Variants in CLSTN2 observed in about 807,000 individuals in gnomAD.
CLSTN2 encodes the protein calsyntenin-2.
A neutral mutation model predicts 101.2 loss-of-function variants in CLSTN2; 48 were observed. The observed-to-expected ratio is 0.47, with a 90% CI of 0.38 to 0.60. CLSTN2 has a LOEUF of 0.60. Ranked by LOEUF, CLSTN2 falls within the 20% of genes least tolerant of loss-of-function variation. CLSTN2 has a pLI of 0.00. For missense variants in CLSTN2, 1,160 were observed against 1,238.2 expected, an observed-to-expected ratio of 0.94 and a Z score of 0.95; for synonymous variants, 481 against 463.6, an observed-to-expected ratio of 1.04 and a Z score of -0.48.
At chr3:140,506,484 A>C (rs1200246433) in intron 8 of CLSTN2, among the ~76,000 whole-genome samples, 1 of 152,118 alleles carries the variant, frequency 6.6e-6, no homozygotes, top group African/African-American at 2.4e-5. Flanking sequence ...ATGGTAATTT[A>C]GCACTAGGTA....
chr3:140,327,541 G>T (rs973844264), intron 2 of CLSTN2, among the ~76,000 whole-genome samples: 7 of 152,168 alleles, frequency 4.6e-5, no homozygotes, highest in African/African-American at 1.7e-4. Context: ...TTTAGAAAGG[G>T]AATTGGGGAA....
intron 1 of CLSTN2, among the ~76,000 whole-genome samples, chr3:140,034,443 C>A (rs1228520617): frequency 6.6e-6 from 1 of 152,096 alleles, no homozygotes; most frequent in Non-Finnish European, 1.5e-5. Context: ...AAATTGGAAT[C>A]AAAGTTTGAA....
At chr3:140,494,967 G>A (rs74590873) in intron 8 of CLSTN2, among the ~76,000 whole-genome samples, 1,752 of 152,090 alleles carry the variant, frequency 0.012, 40 homozygotes, top group African/African-American at 0.039. Context: ...ATATTCCTTC[G>A]GATATATACC....
intron 2 of CLSTN2, among the ~76,000 whole-genome samples, chr3:140,215,938 A>C (rs1436839482): frequency 6.6e-6 from 1 of 152,214 alleles, no homozygotes; most frequent in Non-Finnish European, 1.5e-5. Context: ...GGGATCTCAC[A>C]GAGGGAATTA....
intron 2 of CLSTN2, among the ~76,000 whole-genome samples, chr3:140,271,013 C>T (rs1055269803): frequency 9.2e-5 from 14 of 152,172 alleles, no homozygotes; most frequent in Non-Finnish European, 1.5e-4. Context: ...GGATTACTCC[C>T]AAACATCCTC....
In CLSTN2 at chr3:140,266,161, AC is replaced by A. The variant is rs1156232400; in HGVS notation, c.232+90094del. On this transcript the variant is annotated intron_variant, in intron 2 of 16. Transcript: ENST00000458420. ...CTCTCTCTGCACTCAGTATTGGCAC[AC>A]CCCCCATTATCCTGTGATTACCCTG... Among the ~76,000 whole-genome samples, 9 of 152,032 alleles carry A rather than the reference AC, an allele frequency of 5.9e-5. No homozygotes were observed. In the South Asian group the frequency reaches 1.5e-3, roughly 25 times the overall value.
At chr3:140,322,251 T>G (rs1385333423) in intron 2 of CLSTN2, among the ~76,000 whole-genome samples, 5 of 152,254 alleles carry the variant, frequency 3.3e-5, no homozygotes, top group African/African-American at 1.2e-4. Context: ...CGGACCAACC[T>G]GAACACTGAG....
At position 139,968,745 on chromosome 3, in the gene CLSTN2, G is replaced by T. The variant is rs550258609; in HGVS notation, c.109+33262G>T. 3.3e-5 allele frequency among the ~76,000 whole-genome samples: 5 copies of T among 152,130 alleles called. No individual in the cohort carries two copies. The South Asian group carries it at 8.3e-4, about 25-fold the overall frequency. ...TCTGAAGTATTCCAGAAACTCAATA[G>T]GTAGAATATATTGCTGCATAAAATA... On this transcript the variant is annotated intron_variant, in intron 1 of 16. Coordinates refer to ENST00000458420, the MANE Select transcript of CLSTN2 (RefSeq NM_022131.3).
intron 2 of CLSTN2, among the ~76,000 whole-genome samples, chr3:140,379,090 G>T (rs1035894062): frequency 6.6e-6 from 1 of 152,172 alleles, no homozygotes; most frequent in Non-Finnish European, 1.5e-5. Context: ...TTCCAATCTT[G>T]TTGTCTGGCA....
chr3:139,970,774 G>A (rs574773894), intron 1 of CLSTN2, among the ~76,000 whole-genome samples: 1 of 152,216 alleles, frequency 6.6e-6, no homozygotes, highest in Non-Finnish European at 1.5e-5. Context: ...GGTAACTGTA[G>A]CCTCCTCAAG....
intron 3 of CLSTN2, 85 bp from the exon 4 acceptor site, chr3:140,404,473 C>T: frequency 8.0e-7 from 1 of 1,253,010 alleles, no homozygotes; most frequent in Non-Finnish European, 1.2e-6. Flanking sequence ...GGCCTTGGGA[C>T]CTCAGTCAGT....
At chr3:140,063,866 A>G (rs2008253396) in intron 1 of CLSTN2, among the ~76,000 whole-genome samples, 1 of 152,160 alleles carries the variant, frequency 6.6e-6, no homozygotes. Flanking sequence ...AAACAACTCA[A>G]TTATGGAGTA....
chr3:140,154,025 C>G (rs2009910000), intron 1 of CLSTN2, among the ~76,000 whole-genome samples: 2 of 152,172 alleles, frequency 1.3e-5, no homozygotes, highest in African/African-American at 4.8e-5. Flanking sequence ...ACAAAAGGGA[C>G]AAGGTGTTTG....
chr3:140,159,873 C>T (rs1359438550), intron 1 of CLSTN2, among the ~76,000 whole-genome samples: 6 of 152,248 alleles, frequency 3.9e-5, no homozygotes, highest in African/African-American at 1.4e-4. Context: ...AACATGAATG[C>T]AGCTGGAGGC....
At chr3:140,026,875 C>T (rs1428764711) in intron 1 of CLSTN2, among the ~76,000 whole-genome samples, 2 of 152,204 alleles carry the variant, frequency 1.3e-5, no homozygotes, top group African/African-American at 2.4e-5. Flanking sequence ...GGTCACTTTT[C>T]CTCTTGGCTG....
In CLSTN2 at chr3:140,478,859, AGGAAG is replaced by A. The variant is rs1239834846; in HGVS notation, c.1344+12131_1344+12135del. On this transcript the variant is annotated intron_variant, in intron 8 of 16. Transcript: ENST00000458420. ...GAGGGAGAGAGGAAGAAAGGAAGGA[AGGAAG>A]GGGGAAGGAGGAAGGAAGGAAGGAA... Among the ~76,000 whole-genome samples the A allele has an allele frequency of 3.8e-5, 5 of 132,226 alleles. No homozygotes were observed. The East Asian group carries it at 1.1e-3, about 30-fold the overall frequency. The allele number at this position is 132,226 out of a possible 152,430, so 86.7% of individuals were successfully genotyped here.
chr3:140,472,149 C>T (rs937615612), intron 8 of CLSTN2, among the ~76,000 whole-genome samples: 1 of 152,108 alleles, frequency 6.6e-6, no homozygotes, highest in Non-Finnish European at 1.5e-5. Context: ...CCCAGAGGGT[C>T]CCTTCAACCC....
chr3:140,376,681 T>C (rs2087920965), intron 2 of CLSTN2, among the ~76,000 whole-genome samples: 1 of 152,242 alleles, frequency 6.6e-6, no homozygotes, highest in African/African-American at 2.4e-5. Flanking sequence ...TCCCATGTCT[T>C]GTCTGATTGT....
At chr3:140,153,568 G>A (rs988822401) in intron 1 of CLSTN2, among the ~76,000 whole-genome samples, 3 of 152,242 alleles carry the variant, frequency 2.0e-5, no homozygotes, top group Non-Finnish European at 4.4e-5. Flanking sequence ...GGGACGGGGT[G>A]GTGAAGTGTT....
Sources: allele counts gnomAD v4.1 joint callset (sites outside exome capture counted in the v4.1 genomes callset), GRCh38; gene constraint gnomAD v4.1.1; transcripts MANE v1.5; gene names NCBI Gene and HGNC (gene_info 2026-07-23, HGNC 2026-07-21).